KATNIP: variants seen among roughly 807,000 people sequenced by gnomAD.
KATNIP encodes katanin-interacting protein.
A neutral mutation model predicts 174.0 loss-of-function variants in KATNIP; 126 were observed. That is an observed-to-expected ratio of 0.72 (90% CI 0.63 to 0.84). The LOEUF is 0.84. Ranked by LOEUF, KATNIP falls within the 40% of genes least tolerant of loss-of-function variation. The pLI, the probability that KATNIP is intolerant of heterozygous loss-of-function variation, is 0.00. For missense variants in KATNIP, 1,958 were observed against 2,109.7 expected (o/e 0.93, Z 1.41); for synonymous variants, 810 against 835.7 (o/e 0.97, Z 0.53).
chr16:27,723,488 C>A (rs2080320748), intron 14 of KATNIP, among the ~76,000 whole-genome samples: 1 of 151,998 alleles, frequency 6.6e-6, no homozygotes, highest in Non-Finnish European at 1.5e-5. Context: ...GCCCCCTGCC[C>A]CTTGCGCTTC....
At chr16:27,630,757 G>A (rs2076463016) in intron 4 of KATNIP, among the ~76,000 whole-genome samples, 1 of 152,170 alleles carries the variant, frequency 6.6e-6, no homozygotes, top group Non-Finnish European at 1.5e-5. Context: ...CTACTGTCCT[G>A]AACCTTGTCT....
intron 6 of KATNIP, among the ~76,000 whole-genome samples, chr16:27,673,403 A>G (rs1282567027): frequency 6.6e-6 from 1 of 152,136 alleles, no homozygotes; most frequent in Non-Finnish European, 1.5e-5. Context: ...ACTGCCCACC[A>G]CTGTCAGACT....
intron 2 of KATNIP, among the ~76,000 whole-genome samples, chr16:27,592,681 G>A (rs1302846097): frequency 6.6e-6 from 1 of 152,008 alleles, no homozygotes; most frequent in African/African-American, 2.4e-5. Flanking sequence ...TGGGGGACCA[G>A]CATGTTGTTC....
chr16:27,557,171 T>C (rs758817579), intron 1 of KATNIP, among the ~76,000 whole-genome samples: 44 of 151,360 alleles, frequency 2.9e-4, no homozygotes, highest in Non-Finnish European at 5.2e-4. Context: ...AGGTGGAGTC[T>C]CACTTTGTAG....
intron 1 of KATNIP, among the ~76,000 whole-genome samples, chr16:27,561,079 T>G (rs2089861485): frequency 6.6e-6 from 1 of 151,988 alleles, no homozygotes. Flanking sequence ...TGGTGTGATC[T>G]TGGCTCACTG....
At chr16:27,603,338 G>A (rs1412188758) in intron 2 of KATNIP, among the ~76,000 whole-genome samples, 2 of 152,194 alleles carry the variant, frequency 1.3e-5, no homozygotes, top group Admixed American at 6.5e-5. Context: ...TTGGGGAAGG[G>A]CTATTATTAT....
chr16:27,749,273 G>C (rs2081401531), intron 15 of KATNIP, among the ~76,000 whole-genome samples: 1 of 152,226 alleles, frequency 6.6e-6, no homozygotes, highest in African/African-American at 2.4e-5. Flanking sequence ...GGAATTGGGT[G>C]ATCATAGACA....
At chr16:27,691,239 A>G (rs1302923831) in intron 8 of KATNIP, among the ~76,000 whole-genome samples, 2 of 152,310 alleles carry the variant, frequency 1.3e-5, no homozygotes, top group South Asian at 2.1e-4. Context: ...TCTGTGTGAC[A>G]TGTGTTGCAT....
rs140715227 is a variant in KATNIP, at chr16:27,770,690, G to A, written c.4133+672G>A. ...GGAGAGGGGCCCCGTCAGGAGGGCC[G>A]TGGAGGAGAGGATCCTTCCCGAGGG... On this transcript the variant is annotated intron_variant, in intron 21 of 27. Transcript: ENST00000261588. Among the ~76,000 whole-genome samples, 170 of 152,336 alleles carry A rather than the reference G, an allele frequency of 1.1e-3. 1 individual carries two copies. Among genetic ancestry groups the A allele is most frequent in the African/African-American group, 3.8e-3 (158 of 41,576 alleles).
chr16:27,766,183 C>A, intron 19 of KATNIP, 126 bp from the exon 20 acceptor site: 1 of 944,102 alleles, frequency 1.1e-6, no homozygotes, highest in Non-Finnish European at 1.6e-6. Flanking sequence ...CCTTAACAAG[C>A]CTGACACAGC....
chr16:27,679,012 C>G (rs1340208403), intron 7 of KATNIP: 1 of 152,234 alleles, frequency 6.6e-6, no homozygotes, highest in Non-Finnish European at 1.5e-5. Flanking sequence ...ACCTCTGTAT[C>G]CTATTCATGT....
At chr16:27,730,075 C>T (rs1444034227) in intron 14 of KATNIP, among the ~76,000 whole-genome samples, 1 of 152,230 alleles carries the variant, frequency 6.6e-6, no homozygotes, top group Non-Finnish European at 1.5e-5. Flanking sequence ...GGCCCAGGGG[C>T]CCTGCAGTGA....
In KATNIP at chr16:27,729,768, T is replaced by C. The variant is rs150064715; in HGVS notation, c.1743+8073T>C. On this transcript the variant is annotated intron_variant, in intron 14 of 27. Transcript: ENST00000261588. ...TCCTTTTTCTGTCCGCGCCAGCTCC[T>C]GGCTCACAACTTTGATCCTCTGACT... Among the ~76,000 whole-genome samples, 1,515 of 152,348 alleles carry C rather than the reference T, an allele frequency of 9.9e-3. 8 individuals carry two copies. The highest frequency in any genetic ancestry group is 0.031 in the Middle Eastern group (9 of 294).
intron 1 of KATNIP, among the ~76,000 whole-genome samples, chr16:27,562,251 G>A (rs898866690): frequency 2.0e-5 from 3 of 152,142 alleles, no homozygotes; most frequent in African/African-American, 4.8e-5. Context: ...AAGTTATTAT[G>A]GTGAGCCATG....
In KATNIP at chr16:27,769,350, T is replaced by G. The variant is rs537682052; in HGVS notation, c.3976-511T>G. On this transcript the variant is annotated intron_variant, in intron 20 of 27. Coordinates refer to ENST00000261588, the MANE Select transcript of KATNIP (RefSeq NM_015202.5). ...GAGAGCTCCCAGAGGGGTATTGATGTGTGAGCCAGGGGTTGAAAAAGGAGT... is the reference window on the plus strand; with the variant it reads ...GAGAGCTCCCAGAGGGGTATTGATGGGTGAGCCAGGGGTTGAAAAAGGAGT... Among the ~76,000 whole-genome samples, 16 of 152,300 alleles carry G rather than the reference T, an allele frequency of 1.1e-4. 1 individual carries two copies. Among genetic ancestry groups the G allele is most frequent in the African/African-American group, 3.6e-4 (15 of 41,574 alleles).
intron 9 of KATNIP, 103 bp downstream of exon 9, chr16:27,698,603 G>T: frequency 8.5e-7 from 1 of 1,179,206 alleles, no homozygotes; most frequent in Non-Finnish European, 1.2e-6. Flanking sequence ...GAGGTGTAGT[G>T]GGCATCGCTG....
chr16:27,696,671 T>C (rs2142963540), intron 8 of KATNIP, among the ~76,000 whole-genome samples: 1 of 152,348 alleles, frequency 6.6e-6, no homozygotes, highest in South Asian at 2.1e-4. Flanking sequence ...CACGATCTCA[T>C]TCTTTTTTAT....
chr16:27,749,714 G>C lies in KATNIP; in HGVS notation c.2754G>C (p.Glu918Asp). 6.2e-7 allele frequency: 1 copy of C among 1,613,564 alleles called. No individual in the cohort carries two copies. Among genetic ancestry groups the C allele is most frequent in the South Asian group, 1.1e-5 (1 of 90,934 alleles). The change falls in exon 16 of 28, where the codon GAG becomes GAC. Residue 918 changes from glutamate to aspartate, a missense_variant. By Grantham distance (45) the Glu-to-Asp change is conservative. Around this residue, in one of 3 missense-constraint regions of KATNIP, gnomAD observed 1,557 missense variants for 1,617.8 expected, o/e 0.96. Coordinates refer to ENST00000261588, the MANE Select transcript of KATNIP (RefSeq NM_015202.5). ...ACCGGGGACGCATCTCCAACACGGA[G>C]CTCCCGGGGGACATCCTGGATGAGC... ...RSHRGRISNT[E>D]LPGDILDELL...
rs185918194 is a variant in KATNIP, at chr16:27,743,991, C to A, written c.2623+3071C>A. On this transcript the variant is annotated intron_variant, in intron 15 of 27. Transcript: ENST00000261588. ...ATTTTGTTTCACTTTAATTTCTTTC[C>A]AAGCATTTCAGTGCTTGGCTCAATG... 8.3e-4 allele frequency among the ~76,000 whole-genome samples: 126 copies of A among 152,214 alleles called. 3 individuals carry two copies. The highest frequency in any genetic ancestry group is 3.4e-3 in the Middle Eastern group (1 of 294).
Sources: gnomAD v4.1 joint callset for allele counts (sites outside exome capture counted in the v4.1 genomes callset) on GRCh38, gnomAD v4.1.1 for gene constraint, gnomAD v4.1.1 regional missense constraint, MANE v1.5 for transcripts, NCBI Gene and HGNC (gene_info 2026-07-23, HGNC 2026-07-21) for gene names.